Variants in MAX observed in about 807,000 individuals in gnomAD.
The protein encoded by MAX is MYC associated transcriptional regulator X.
In MAX, 3 loss-of-function variants were observed where a neutral mutation model predicts 22.3. The observed-to-expected ratio is 0.13, with a 90% CI of 0.06 to 0.35. The LOEUF (loss-of-function observed/expected upper bound fraction) is 0.35. Ranked by LOEUF, MAX falls within the 10% of genes least tolerant of loss-of-function variation. The pLI, the probability that MAX is intolerant of heterozygous loss-of-function variation, is 1.00. For missense variants in MAX, 119 were observed against 209.4 expected (o/e 0.57, Z 2.66); for synonymous variants, 72 against 77.7 (o/e 0.93, Z 0.39).
chr14:65,013,021 G>A (rs1416379033), intron 3 of MAX, among the ~76,000 whole-genome samples: 1 of 152,226 alleles, frequency 6.6e-6, no homozygotes, highest in Non-Finnish European at 1.5e-5. Context: ...GACAGATGTT[G>A]GATGGGACTG....
chr14:65,063,318 C>T (rs1420667217), intron 3 of MAX, among the ~76,000 whole-genome samples: 6 of 152,132 alleles, frequency 3.9e-5, no homozygotes, highest in Non-Finnish European at 5.9e-5. Context: ...TCTCAGCACT[C>T]GGAGCCTCAA....
In MAX at chr14:65,101,587, A is replaced by AG; in HGVS notation, c.37-16_37-15insC. ...GGTTGCTCTTCCTGGAATAAGAGAGAAAAAAAAAAATAGAAAATATAGAAG... is the reference window on the plus strand; with the variant it reads ...GGTTGCTCTTCCTGGAATAAGAGAGAGAAAAAAAAAATAGAAAATATAGAAG... On this transcript the variant is annotated splice_polypyrimidine_tract_variant and intron_variant, in intron 1 of 4. Transcript: ENST00000358664. The AG allele has an allele frequency of 9.1e-7, 1 of 1,103,510 alleles. No individual in the cohort carries two copies. Among genetic ancestry groups the AG allele is most frequent in the Non-Finnish European group, 1.3e-6 (1 of 789,046 alleles). The allele number at this position is 1,103,510 out of a possible 1,614,324, so 68.4% of individuals were successfully genotyped here.
At chr14:65,006,308 T>C in intron 3 of MAX, 4 of 1,613,584 alleles carry the variant, frequency 2.5e-6, no homozygotes, top group Non-Finnish European at 3.4e-6. Flanking sequence ...GGAGGAAAAA[T>C]ATCAGCTTAC....
rs1436384442 is a variant in MAX, at chr14:65,029,205, GA to G, written c.172-22922del. 6.6e-6 allele frequency among the ~76,000 whole-genome samples: 1 copy of G among 152,226 alleles called. No individual in the cohort carries two copies. The highest frequency in any genetic ancestry group is 1.9e-4 in the East Asian group (1 of 5,202). Reference sequence around the variant, plus strand: ...AAGGATTAAAGATATGAATGATAGAGAAAAGCTAGCAGATTGCATCCATTTT... The same window carrying G: ...AAGGATTAAAGATATGAATGATAGAGAAAGCTAGCAGATTGCATCCATTTT... On this transcript the variant is annotated intron_variant, in intron 3 of 3. Coordinates refer to the MAX transcript ENST00000341653. The surrounding 1 kb of genome is among the most constrained non-coding windows in gnomAD (Gnocchi z 4.7).
chr14:65,053,449 G>T (rs755083134), intron 3 of MAX: 17 of 1,029,290 alleles, frequency 1.7e-5, no homozygotes, highest in Non-Finnish European at 1.9e-5. Flanking sequence ...GAGCAGAGGT[G>T]TCACCTTCAG....
Position 65,047,830 on chromosome 14 carries a change from G to GT in MAX, c.172-41547dup, listed in dbSNP as rs1181310675. Among the ~76,000 whole-genome samples, 3 of 152,194 alleles carry GT rather than the reference G, an allele frequency of 2.0e-5. No individual in the cohort carries two copies. The highest frequency in any genetic ancestry group is 4.4e-5 in the Non-Finnish European group (3 of 68,046). On this transcript the variant is annotated intron_variant, in intron 3 of 3. Transcript: ENST00000341653. This position sits in a 1 kb window ranked among gnomAD's most constrained non-coding sequence, Gnocchi z 5.2. ...AGCTCTGCAAGATACAACATGAAGT[G>GT]TAAGGGGGCGGGGCCTGGAGCAGTG...
rs1223013079 is a variant in MAX at position 65,082,511 on chromosome 14, C to T, written c.172-4475G>A. On this transcript the variant is annotated intron_variant, in intron 3 of 4. Transcript: ENST00000358664. This position sits in a 1 kb window ranked among gnomAD's most constrained non-coding sequence, Gnocchi z 4.8. Reference sequence around the variant, plus strand: ...AGGTGCAGTGGCTCATGCCTGTAATCCCAGCACCCTGGGAGGCTGAGGTGG... The same window carrying T: ...AGGTGCAGTGGCTCATGCCTGTAATTCCAGCACCCTGGGAGGCTGAGGTGG... 1.3e-5 allele frequency: 2 copies of T among 152,198 alleles called. No individual in the cohort carries two copies. The highest frequency in any genetic ancestry group is 2.4e-5 in the African/African-American group (1 of 41,410). 9.4% of individuals were successfully genotyped at this position (152,198 alleles called of 1,614,324 possible). A position where few individuals can be genotyped will look rare whatever the true frequency, so the allele number is the denominator to read the frequency against.
chr14:65,061,116 A>C (rs1382230637), intron 3 of MAX: 2 of 1,589,022 alleles, frequency 1.3e-6, no homozygotes, highest in Admixed American at 3.5e-5. Flanking sequence ...TCATGGAGCA[A>C]AGGATGTGTT....
At chr14:65,042,740 A>G (rs537796172) in intron 3 of MAX, among the ~76,000 whole-genome samples, 1 of 152,308 alleles carries the variant, frequency 6.6e-6, no homozygotes, top group African/African-American at 2.4e-5. Flanking sequence ...TAGGCACTGG[A>G]AAAAGTAAAT....
Position 65,076,135 on chromosome 14 carries a change from A to G in MAX, c.*341T>C. The G allele has an allele frequency of 7.6e-7, 1 of 1,309,914 alleles. No homozygotes were observed. The highest frequency in any genetic ancestry group is 9.7e-7 in the Non-Finnish European group (1 of 1,027,658). The allele number at this position is 1,309,914 out of a possible 1,614,324, so 81.1% of individuals were successfully genotyped here. A position where few individuals can be genotyped will look rare whatever the true frequency, so the allele number is the denominator to read the frequency against. ...GGCATGTGCCCGGCAGGGCTGGAGGAGCTGGTAGGGTGGGCAGGACACTAT... is the reference window on the plus strand; with the variant it reads ...GGCATGTGCCCGGCAGGGCTGGAGGGGCTGGTAGGGTGGGCAGGACACTAT... On this transcript the variant is annotated 3_prime_UTR_variant, in exon 5 of 5. Transcript: ENST00000358664. This position sits in a 1 kb window ranked among gnomAD's most constrained non-coding sequence, Gnocchi z 6.6.
At chr14:65,057,835 CAT>C (rs1401266523) in intron 3 of MAX, among the ~76,000 whole-genome samples, 2 of 152,210 alleles carry the variant, frequency 1.3e-5, no homozygotes, top group Non-Finnish European at 2.9e-5. Flanking sequence ...ATGTGTATCT[CAT>C]GTGTACCACA....
intron 3 of MAX, among the ~76,000 whole-genome samples, chr14:65,055,584 T>C (rs1035156304): frequency 9.9e-5 from 15 of 152,056 alleles, no homozygotes; most frequent in Non-Finnish European, 2.1e-4. Context: ...TGGCATGATA[T>C]TGGCTCACTG....
At chr14:65,015,070 C>CT (rs1566870488) in intron 3 of MAX, among the ~76,000 whole-genome samples, 1 of 151,248 alleles carries the variant, frequency 6.6e-6, no homozygotes, top group South Asian at 2.1e-4. Flanking sequence ...TCAGGGTCAT[C>CT]TTTTTTTTAA....
chr14:65,101,931 G>A (rs777163147), intron 1 of MAX, among the ~76,000 whole-genome samples: 39 of 152,056 alleles, frequency 2.6e-4, no homozygotes, highest in Non-Finnish European at 2.9e-4. Context: ...ATCGCAGTCC[G>A]AAGGGGCAGG....
rs73270833 is a variant in MAX at position 65,043,618 on chromosome 14, C to T, written c.172-37334G>A. Among the ~76,000 whole-genome samples the T allele has an allele frequency of 0.011, 1,598 of 151,608 alleles. 39 individuals are homozygous for T. In the East Asian group the frequency reaches 0.11, roughly 11 times the overall value. The stretch of plus-strand genomic sequence containing the variant: ...CGGGTGGATCATGAGGTCAGGAGAT[C>T]GAGACCATCCTGGCTAACAAGGTGA... On this transcript the variant is annotated intron_variant, in intron 3 of 3. Coordinates refer to the MAX transcript ENST00000341653.
At chr14:65,068,108 A>T (rs1437024311) in intron 3 of MAX, among the ~76,000 whole-genome samples, 1 of 152,104 alleles carries the variant, frequency 6.6e-6, no homozygotes, top group Admixed American at 6.5e-5. Context: ...CCCTTTCTTG[A>T]ATGTGTCCTT....
At chr14:65,073,516 G>A (rs1160737574), downstream of MAX, among the ~76,000 whole-genome samples, 1 of 152,158 alleles carries the variant, frequency 6.6e-6, no homozygotes, top group Non-Finnish European at 1.5e-5. Context: ...GAAATAGCAC[G>A]CTTAACAGAC....
At chr14:65,096,624 C>A (rs1312328491) in intron 2 of MAX, among the ~76,000 whole-genome samples, 1 of 151,954 alleles carries the variant, frequency 6.6e-6, no homozygotes, top group Non-Finnish European at 1.5e-5. Flanking sequence ...TTTGAGAGGG[C>A]CAAGATTTCA....
At chr14:65,070,762 C>T (rs192276175), downstream of MAX, among the ~76,000 whole-genome samples, 4 of 152,344 alleles carry the variant, frequency 2.6e-5, no homozygotes, top group African/African-American at 4.8e-5. The surrounding 1 kb of genome is among the most constrained non-coding windows in gnomAD (Gnocchi z 4.4). Flanking sequence ...GGCTGAAAAA[C>T]GATGGCTGAC....
Sources: gnomAD v4.1 joint callset for allele counts (sites outside exome capture counted in the v4.1 genomes callset) on GRCh38, gnomAD v4.1.1 for gene constraint, Gnocchi (gnomAD v3.1) non-coding constraint, MANE v1.5 for transcripts, NCBI Gene and HGNC (gene_info 2026-07-23, HGNC 2026-07-21) for gene names.